Variants in SRD5A2 observed in about 807,000 individuals in gnomAD.
The protein encoded by SRD5A2 is steroid 5 alpha-reductase 2.
Under a neutral mutation model 27.4 loss-of-function variants are expected in SRD5A2, and 30 were observed. The observed-to-expected ratio is 1.10, with a 90% CI of 0.82 to 1.49. The LOEUF is 1.49. SRD5A2 is among the 40% of genes most tolerant of loss of function. SRD5A2 has a pLI of 0.00. For synonymous variants in SRD5A2, 141 were observed against 133.6 expected (o/e 1.06, Z -0.38); for missense variants, 348 against 323.4 (o/e 1.08, Z -0.58).
the SRD5A2 span, among the ~76,000 whole-genome samples, chr2:31,626,905 A>G: frequency 6.6e-6 from 1 of 151,990 alleles, no homozygotes; most frequent in Non-Finnish European, 1.5e-5. Flanking sequence ...CTCTCTTTCT[A>G]TTGATTGGAA....
In SRD5A2 at chr2:31,580,868, C is replaced by T. The variant is rs1327523028; in HGVS notation, c.33G>A (p.Leu11=). The change falls in exon 1 of 5, where the codon CTG becomes CTA. Residue 11 remains leucine (L), a synonymous_variant. Transcript: ENST00000622030. MQVQCQQSPV[L]AGSATLVALG... is the part of the protein sequence containing the mutation. The stretch of plus-strand genomic sequence containing the variant: ...GGGCGACCAAAGTGGCGCTGCCTGC[C>T]AGCACTGGGCTCTGCTGGCACTGAA... 9.9e-6 allele frequency: 16 copies of T among 1,610,252 alleles called. No homozygotes were observed. Among genetic ancestry groups the T allele is most frequent in the Non-Finnish European group, 1.4e-5 (16 of 1,178,904 alleles).
At chr2:31,572,718 C>A (rs1416114852) in intron 1 of SRD5A2, among the ~76,000 whole-genome samples, 1 of 152,112 alleles carries the variant, frequency 6.6e-6, no homozygotes, top group Non-Finnish European at 1.5e-5. Flanking sequence ...GAAGTAAGAT[C>A]ATGTACTGCT....
chr2:31,644,879 C>T, the SRD5A2 span, among the ~76,000 whole-genome samples: 2 of 152,102 alleles, frequency 1.3e-5, no homozygotes, highest in African/African-American at 2.4e-5. Flanking sequence ...TTTCATATTT[C>T]TCTAAAATGG....
chr2:31,633,333 G>C, the SRD5A2 span, among the ~76,000 whole-genome samples: 4 of 152,160 alleles, frequency 2.6e-5, no homozygotes, highest in Non-Finnish European at 5.9e-5. Context: ...GGCATTGATA[G>C]CACCCATCAG....
At chr2:31,576,019 G>T (rs191272719) in intron 1 of SRD5A2, among the ~76,000 whole-genome samples, 2 of 151,968 alleles carry the variant, frequency 1.3e-5, no homozygotes, top group South Asian at 4.2e-4. Context: ...AGATTTAAAC[G>T]TTAGACCTAA....
At chr2:31,581,806 A>G (rs557940799), upstream of SRD5A2, among the ~76,000 whole-genome samples, 154 of 152,164 alleles carry the variant, frequency 1.0e-3, no homozygotes, top group African/African-American at 3.4e-3. Flanking sequence ...GCCGTGGCCC[A>G]TCAGGTGGTG....
the SRD5A2 span, among the ~76,000 whole-genome samples, chr2:31,641,381 TG>T: frequency 6.6e-6 from 1 of 152,198 alleles, no homozygotes; most frequent in Non-Finnish European, 1.5e-5. Flanking sequence ...TAATTCTATG[TG>T]CAGTAAAAGT....
At chr2:31,529,741 A>G (rs1232746654) in intron 3 of SRD5A2, among the ~76,000 whole-genome samples, 1 of 152,202 alleles carries the variant, frequency 6.6e-6, no homozygotes, top group African/African-American at 2.4e-5. Context: ...AGCTTTGGGT[A>G]GGATAAGGGA....
chr2:31,643,026 G>A, the SRD5A2 span, among the ~76,000 whole-genome samples: 1 of 152,096 alleles, frequency 6.6e-6, no homozygotes, highest in Non-Finnish European at 1.5e-5. Flanking sequence ...GGGCAGGAGG[G>A]ACACTGCATG....
chr2:31,611,076 T>A, the SRD5A2 span, among the ~76,000 whole-genome samples: 12 of 152,040 alleles, frequency 7.9e-5, no homozygotes, highest in African/African-American at 1.7e-4. Context: ...ACCATTGCAC[T>A]CTAGCCTAGG....
At chr2:31,593,176 G>A in the SRD5A2 span, among the ~76,000 whole-genome samples, 1 of 151,842 alleles carries the variant, frequency 6.6e-6, no homozygotes, top group African/African-American at 2.4e-5. Flanking sequence ...CGAGTTAATG[G>A]GTGCAGCACA....
At position 31,524,502 on chromosome 2, in the gene SRD5A2, G is replaced by A. The variant is rs946774568; in HGVS notation, c.*1694C>T. The A allele has an allele frequency of 1.7e-5, 4 of 230,218 alleles. No individual in the cohort carries two copies. Among genetic ancestry groups the A allele is most frequent in the Admixed American group, 1.1e-4 (2 of 17,642 alleles). The allele number at this position is 230,218 out of a possible 1,614,324, so 14.3% of individuals were successfully genotyped here. On this transcript the variant is annotated 3_prime_UTR_variant, in exon 5 of 5. Coordinates refer to ENST00000622030, the MANE Select transcript of SRD5A2 (RefSeq NM_000348.4). The stretch of plus-strand genomic sequence containing the variant: ...GGGTGAATGGGAATGAGGGACAGGC[G>A]GGACAGGGAAGCACACCCCAATACC...
chr2:31,580,310 C>A (rs1558377819), intron 1 of SRD5A2, among the ~76,000 whole-genome samples: 1 of 152,266 alleles, frequency 6.6e-6, no homozygotes, highest in South Asian at 2.1e-4. Context: ...CCAACCTGAG[C>A]TTTCCAGGTC....
At chr2:31,602,228 A>G in the SRD5A2 span, among the ~76,000 whole-genome samples, 16 of 152,102 alleles carry the variant, frequency 1.1e-4, no homozygotes, top group Non-Finnish European at 2.1e-4. Flanking sequence ...GGATACAAAA[A>G]TCAATGTGCA....
chr2:31,525,545 CAG>C lies in SRD5A2; in HGVS notation c.*649_*650del. On this transcript the variant is annotated 3_prime_UTR_variant, in exon 5 of 5. Transcript: ENST00000622030. ...GGGGATTGTGAAATCTTCTGGAAAA[CAG>C]AGGCACTCATCAACTAAGACACTGC... The C allele has an allele frequency of 4.4e-6, 1 of 225,378 alleles. No individual in the cohort carries two copies. The highest frequency in any genetic ancestry group is 8.8e-6 in the Non-Finnish European group (1 of 113,154). 14.0% of individuals were successfully genotyped at this position (225,378 alleles called of 1,614,324 possible).
the SRD5A2 span, among the ~76,000 whole-genome samples, chr2:31,629,302 A>C: frequency 6.6e-6 from 1 of 152,174 alleles, no homozygotes; most frequent in East Asian, 1.9e-4. Flanking sequence ...AGGTCAGAGA[A>C]CAAGAGGCTT....
chr2:31,533,879 T>G, intron 1 of SRD5A2, 113 bp from the exon 2 acceptor site: 2 of 1,245,704 alleles, frequency 1.6e-6, no homozygotes, highest in Non-Finnish European at 2.2e-6. Context: ...GCTCTGCCAT[T>G]TCGCCTTAAC....
At chr2:31,652,615 T>A in the SRD5A2 span, among the ~76,000 whole-genome samples, 1 of 152,090 alleles carries the variant, frequency 6.6e-6, no homozygotes, top group Non-Finnish European at 1.5e-5. Context: ...AATCAAAAAA[T>A]TTAGTTATTA....
chr2:31,577,551 G>C (rs951339801), intron 1 of SRD5A2, among the ~76,000 whole-genome samples: 3 of 152,210 alleles, frequency 2.0e-5, no homozygotes, highest in African/African-American at 7.2e-5. Flanking sequence ...CTTGTATTGA[G>C]AAAAGTACAA....
Sources: gnomAD v4.1 joint callset for allele counts (sites outside exome capture counted in the v4.1 genomes callset) on GRCh38, gnomAD v4.1.1 for gene constraint, MANE v1.5 for transcripts, NCBI Gene and HGNC (gene_info 2026-07-23, HGNC 2026-07-21) for gene names.